Variants in DLC1 observed in about 807,000 individuals in gnomAD.
DLC1 encodes the protein DLC1 Rho GTPase activating protein.
A neutral mutation model predicts 140.3 loss-of-function variants in DLC1; 54 were observed. The ratio of observed to expected loss-of-function variants is 0.38; its 90% CI spans 0.31 to 0.48. DLC1 has a LOEUF of 0.48. DLC1 is among the 20% of genes least tolerant of loss of function. The pLI is 0.96. For missense variants in DLC1, 2,536 were observed against 1,907.0 expected (o/e 1.33, Z -6.14); for synonymous variants, 986 against 728.1 (o/e 1.35, Z -5.70).
intron 1 of DLC1, among the ~76,000 whole-genome samples, chr8:13,579,633 A>G (rs1323543200): frequency 2.2e-5 from 3 of 135,276 alleles, no homozygotes; most frequent in African/African-American, 5.6e-5. Context: ...TATTTATAAT[A>G]TATTTAATAT....
At chr8:13,520,362 G>C (rs7818463) in intron 1 of DLC1, among the ~76,000 whole-genome samples, 144,686 of 152,164 alleles carry the variant, frequency 0.95, 69,227 homozygotes, top group East Asian at 1. Context: ...TCTCAGCAAA[G>C]TATCACAAGA....
At chr8:13,275,121 C>T (rs763525214) in intron 5 of DLC1, among the ~76,000 whole-genome samples, 10 of 152,152 alleles carry the variant, frequency 6.6e-5, no homozygotes, top group African/African-American at 1.9e-4. Context: ...TTACTTTCTC[C>T]GTCAGTCCTG....
intron 5 of DLC1, among the ~76,000 whole-genome samples, chr8:13,183,630 G>A (rs143507081): frequency 2.0e-3 from 297 of 152,198 alleles, no homozygotes; most frequent in African/African-American, 6.4e-3. Context: ...ATTGATTTGC[G>A]TATGTTGAAC....
intron 5 of DLC1, among the ~76,000 whole-genome samples, chr8:13,165,094 A>G (rs558039514): frequency 2.6e-5 from 4 of 152,358 alleles, no homozygotes; most frequent in African/African-American, 9.6e-5. Context: ...GATAAAATGC[A>G]TGCTACCTAG....
intron 1 of DLC1, among the ~76,000 whole-genome samples, chr8:13,540,117 A>C (rs776313778): frequency 1.5e-4 from 23 of 152,198 alleles, no homozygotes; most frequent in Non-Finnish European, 2.9e-4. Flanking sequence ...GAATGTGCTG[A>C]TACTCTATCA....
intron 5 of DLC1, among the ~76,000 whole-genome samples, chr8:13,123,931 C>CAT (rs764324900): frequency 6.6e-6 from 1 of 152,096 alleles, no homozygotes; most frequent in Non-Finnish European, 1.5e-5. Flanking sequence ...ATGGTACACA[C>CAT]ATATACATGT....
chr8:13,207,753 C>T (rs574327429), intron 5 of DLC1, among the ~76,000 whole-genome samples: 212 of 152,168 alleles, frequency 1.4e-3, no homozygotes, highest in African/African-American at 4.8e-3. Flanking sequence ...GGAGGTACTG[C>T]CGACATACAG....
intron 5 of DLC1, among the ~76,000 whole-genome samples, chr8:13,169,795 G>A (rs148143273): frequency 1.3e-5 from 2 of 152,034 alleles, no homozygotes; most frequent in African/African-American, 2.4e-5. Context: ...AGGCCAAGGT[G>A]GGGGGGTTGT....
chr8:13,456,948 C>T (rs1799418244), intron 2 of DLC1, among the ~76,000 whole-genome samples: 1 of 152,126 alleles, frequency 6.6e-6, no homozygotes, highest in Admixed American at 6.5e-5. Flanking sequence ...TCAAATGGTG[C>T]CCTCTTATTT....
At chr8:13,087,596 G>A (rs190836101) in intron 16 of DLC1, among the ~76,000 whole-genome samples, 2 of 152,190 alleles carry the variant, frequency 1.3e-5, no homozygotes, top group Non-Finnish European at 2.9e-5. Flanking sequence ...CAGAGCCGTT[G>A]TTACAGAGGG....
chr8:13,465,326 T>C (rs60860927), intron 2 of DLC1, among the ~76,000 whole-genome samples: 39,675 of 152,000 alleles, frequency 0.26, 6,378 homozygotes, highest in Middle Eastern at 0.39. Context: ...ATGCCAAATT[T>C]TTTTCCTAAT....
At chr8:13,384,016 A>G (rs974914351) in intron 4 of DLC1, among the ~76,000 whole-genome samples, 6 of 152,188 alleles carry the variant, frequency 3.9e-5, no homozygotes, top group Admixed American at 1.3e-4. Flanking sequence ...CTAATCATCA[A>G]TTATGTTCCA....
At chr8:13,087,754 T>C (rs751776913) in intron 16 of DLC1, among the ~76,000 whole-genome samples, 59 of 152,370 alleles carry the variant, frequency 3.9e-4, no homozygotes, top group Admixed American at 5.9e-4. Context: ...CAATGTGACA[T>C]TTCCACAAAG....
At chr8:13,600,975 G>T (rs1486707417) in intron 1 of DLC1, among the ~76,000 whole-genome samples, 1 of 151,420 alleles carries the variant, frequency 6.6e-6, no homozygotes, top group East Asian at 1.9e-4. Context: ...TTTATTATTT[G>T]TTTATTCAGT....
intron 2 of DLC1, among the ~76,000 whole-genome samples, chr8:13,482,952 A>G (rs1800802441): frequency 6.6e-6 from 1 of 152,222 alleles, no homozygotes; most frequent in Admixed American, 6.5e-5. Context: ...AGGCTGCTCT[A>G]ACAAATCACT....
At chr8:13,186,689 G>A (rs953054487) in intron 5 of DLC1, among the ~76,000 whole-genome samples, 9 of 152,124 alleles carry the variant, frequency 5.9e-5, no homozygotes, top group African/African-American at 1.7e-4. Flanking sequence ...GCTTTGTTCC[G>A]TTGCTGGCAA....
intron 5 of DLC1, among the ~76,000 whole-genome samples, chr8:13,137,092 G>A (rs1278288096): frequency 6.6e-6 from 1 of 152,044 alleles, no homozygotes; most frequent in African/African-American, 2.4e-5. Context: ...TAAGACCTTG[G>A]CATTACCCTT....
At position 13,098,570 on chromosome 8, in the gene DLC1, C is replaced by A. The variant is rs770571815; in HGVS notation, c.2996G>T (p.Arg999Leu). 1.9e-6 allele frequency: 3 copies of A among 1,613,196 alleles called. No homozygotes were observed. The highest frequency in any genetic ancestry group is 2.2e-5 in the East Asian group (1 of 44,856). The change falls in exon 10 of 18, where the codon CGA (arginine) becomes CTA (leucine). Residue 999 changes from arginine (R) to leucine (L), a missense_variant. Coordinates refer to ENST00000276297, the MANE Select transcript of DLC1 (RefSeq NM_182643.3). The stretch of plus-strand genomic sequence containing the variant: ...GCTCTGGAAACTGTGCCATCTCAGT[C>A]GGTGCCTGCGAGAGAAGAGGAGAGG... ...GASLTRSNRH[R>L]LRWHSFQSSH...
intron 5 of DLC1, among the ~76,000 whole-genome samples, chr8:13,226,147 C>T (rs1828789195): frequency 6.6e-6 from 1 of 152,126 alleles, no homozygotes; most frequent in Non-Finnish European, 1.5e-5. Context: ...CTTCTGAGCT[C>T]AAACAATCCT....
Sources: gnomAD v4.1 joint callset for allele counts (sites outside exome capture counted in the v4.1 genomes callset) on GRCh38, gnomAD v4.1.1 for gene constraint, MANE v1.5 for transcripts, NCBI Gene and HGNC (gene_info 2026-07-23, HGNC 2026-07-21) for gene names.